TTL: variants seen among roughly 807,000 people sequenced by gnomAD.
The protein encoded by TTL is tubulin tyrosine ligase, also known as tubulin--tyrosine ligase.
In TTL, 10 loss-of-function variants were observed where a neutral mutation model predicts 41.1. That is an observed-to-expected ratio of 0.24 (90% CI 0.15 to 0.41). The LOEUF (loss-of-function observed/expected upper bound fraction) is 0.41. Ranked by LOEUF, TTL falls within the 10% of genes least tolerant of loss-of-function variation. The pLI is 1.00. For synonymous variants in TTL, 175 were observed against 175.5 expected, an observed-to-expected ratio of 1.00 and a Z score of 0.02; for missense variants, 367 against 460.4, an observed-to-expected ratio of 0.80 and a Z score of 1.86.
chr2:112,521,405 T>C (rs1682225679), intron 6 of TTL: 1 of 910,072 alleles, frequency 1.1e-6, no homozygotes. Flanking sequence ...CTCAATTCTC[T>C]TGTGCTGAGG....
chr2:112,512,423 C>A (rs1294550960), intron 5 of TTL, among the ~76,000 whole-genome samples: 1 of 152,082 alleles, frequency 6.6e-6, no homozygotes, highest in Non-Finnish European at 1.5e-5. Flanking sequence ...CCACCATGCC[C>A]GGCTAATTTT....
rs1156989320 is a variant in TTL, at chr2:112,540,609, C to T, written c.*11814C>T. The T allele has an allele frequency of 6.6e-6, 1 of 152,024 alleles. No homozygotes were observed. Among genetic ancestry groups the T allele is most frequent in the Non-Finnish European group, 1.5e-5 (1 of 68,002 alleles). 9.4% of individuals were successfully genotyped at this position (152,024 alleles called of 1,614,324 possible). On this transcript the variant is annotated 3_prime_UTR_variant, in exon 7 of 7. Coordinates refer to ENST00000233336, the MANE Select transcript of TTL (RefSeq NM_153712.5). ...TAATCAAATCTGTGTAGTTTGTAGA[C>T]AGATATACAGATAAATGTAGATAGA...
chr2:112,522,402 G>A (rs1377388974), intron 6 of TTL: 2 of 152,524 alleles, frequency 1.3e-5, no homozygotes, highest in Non-Finnish European at 2.9e-5. Context: ...CCTTGGACCT[G>A]TCAGCAGCAT....
rs1268137758 is a variant in TTL, at chr2:112,538,030, A to T, written c.*9235A>T. The stretch of plus-strand genomic sequence containing the variant: ...ATTATACTACATATGTTCTCTGACC[A>T]TGTTGGAATAAAATCAGAAATCAGT... On this transcript the variant is annotated 3_prime_UTR_variant, in exon 7 of 7. Coordinates refer to ENST00000233336, the MANE Select transcript of TTL (RefSeq NM_153712.5). 1 of 152,254 alleles carries T rather than the reference A, an allele frequency of 6.6e-6. No individual in the cohort carries two copies. Among genetic ancestry groups the T allele is most frequent in the Non-Finnish European group, 1.5e-5 (1 of 68,046 alleles). The allele number at this position is 152,254 out of a possible 1,614,324, so 9.4% of individuals were successfully genotyped here. A position where few individuals can be genotyped will look rare whatever the true frequency, so the allele number is the denominator to read the frequency against.
rs1187954637 is a variant in TTL, at chr2:112,529,285, GTT to G, written c.*493_*494del. The G allele has an allele frequency of 4.2e-6, 1 of 240,338 alleles. No homozygotes were observed. The highest frequency in any genetic ancestry group is 8.2e-6 in the Non-Finnish European group (1 of 122,126). The allele number at this position is 240,338 out of a possible 1,614,324, so 14.9% of individuals were successfully genotyped here. A position where few individuals can be genotyped will look rare whatever the true frequency, so the allele number is the denominator to read the frequency against. Reference sequence around the variant, plus strand: ...TACAAGCATGCACCAACAGTCCTTAGTTTTGTGCTGTGCACTGGCCTCTCGGC... The same window carrying G: ...TACAAGCATGCACCAACAGTCCTTAGTTGTGCTGTGCACTGGCCTCTCGGC... On this transcript the variant is annotated 3_prime_UTR_variant, in exon 7 of 7. Coordinates refer to ENST00000233336, the MANE Select transcript of TTL (RefSeq NM_153712.5).
chr2:112,514,534 A>G (rs1174843276), intron 5 of TTL, among the ~76,000 whole-genome samples: 2 of 152,030 alleles, frequency 1.3e-5, no homozygotes, highest in African/African-American at 4.8e-5. Context: ...TTCTTTTCCT[A>G]CTCTGAAGGT....
At chr2:112,515,731 A>G (rs1682050681) in intron 5 of TTL, among the ~76,000 whole-genome samples, 1 of 152,152 alleles carries the variant, frequency 6.6e-6, no homozygotes, top group Admixed American at 6.6e-5. Context: ...GCAGATCACG[A>G]GGTCAGGAGA....
At position 112,482,651 on chromosome 2, in the gene TTL, C is replaced by T; in HGVS notation, c.157+150C>T. 7.7e-6 allele frequency: 7 copies of T among 905,494 alleles called. No individual in the cohort carries two copies. The highest frequency in any genetic ancestry group is 1.1e-5 in the Non-Finnish European group (7 of 633,950). 56.1% of individuals were successfully genotyped at this position (905,494 alleles called of 1,614,324 possible). A position where few individuals can be genotyped will look rare whatever the true frequency, so the allele number is the denominator to read the frequency against. ...ACATCAGAAACGGATTCGGAAAGATCGAAACCTGTCGTTTTTAATGCTTTC... is the reference window on the plus strand; with the variant it reads ...ACATCAGAAACGGATTCGGAAAGATTGAAACCTGTCGTTTTTAATGCTTTC... On this transcript the variant is annotated intron_variant, in intron 1 of 6. Transcript: ENST00000233336. This position sits in a 1 kb window ranked among gnomAD's most constrained non-coding sequence, Gnocchi z 5.3.
intron 5 of TTL, among the ~76,000 whole-genome samples, chr2:112,515,081 T>C (rs1305503605): frequency 1.3e-5 from 2 of 152,238 alleles, no homozygotes; most frequent in African/African-American, 4.8e-5. Context: ...TTGTTTCTTT[T>C]TTTCATATTA....
chr2:112,532,054 T>G lies in TTL; in HGVS notation c.*3259T>G, dbSNP rs1037934023. 2 of 228,060 alleles carry G rather than the reference T, an allele frequency of 8.8e-6. No homozygotes were observed. The highest frequency in any genetic ancestry group is 2.2e-5 in the African/African-American group (1 of 45,062). The allele number at this position is 228,060 out of a possible 1,614,324, so 14.1% of individuals were successfully genotyped here. A position where few individuals can be genotyped will look rare whatever the true frequency, so the allele number is the denominator to read the frequency against. Reference sequence around the variant, plus strand: ...GTGCTGACATAGGTACCAGCTGACATGATGTGTCACTAGCTCTGTGGGATG... The same window carrying G: ...GTGCTGACATAGGTACCAGCTGACAGGATGTGTCACTAGCTCTGTGGGATG... On this transcript the variant is annotated 3_prime_UTR_variant, in exon 7 of 7. Coordinates refer to ENST00000233336, the MANE Select transcript of TTL (RefSeq NM_153712.5).
chr2:112,503,285 C>T, intron 5 of TTL, 104 bp downstream of exon 5: 1 of 1,018,522 alleles, frequency 9.8e-7, no homozygotes, highest in Middle Eastern at 3.3e-4. Flanking sequence ...AATTTATGGT[C>T]AAAAATTTTT....
In TTL at chr2:112,538,247, GAA is replaced by G. The variant is rs1395358595; in HGVS notation, c.*9453_*9454del. The stretch of plus-strand genomic sequence containing the variant: ...AGAGAAGAAAATACTCCTCAATTGA[GAA>G]GAGTGTCCTCAACTTTATGAGGTCA... On this transcript the variant is annotated 3_prime_UTR_variant, in exon 7 of 7. Transcript: ENST00000233336. The G allele has an allele frequency of 4.6e-5, 7 of 152,210 alleles. No individual in the cohort carries two copies. The highest frequency in any genetic ancestry group is 2.9e-5 in the Non-Finnish European group (2 of 68,042). The allele number at this position is 152,210 out of a possible 1,614,324, so 9.4% of individuals were successfully genotyped here.
In TTL at chr2:112,494,105, C is replaced by G. The variant is rs372704360; in HGVS notation, c.237-38C>G. On this transcript the variant is annotated intron_variant, in intron 2 of 6. Transcript: ENST00000233336. The stretch of plus-strand genomic sequence containing the variant: ...TTTCTGAAGGGAGTGACAAAGTGCA[C>G]TAAGAAGGGAGGCTGATCCTCTTCT... 185 of 1,563,414 alleles carry G rather than the reference C, an allele frequency of 1.2e-4. No individual in the cohort carries two copies. In the African/African-American group the frequency reaches 2.4e-3, roughly 20 times the overall value.
At chr2:112,509,622 C>T (rs930546509) in intron 5 of TTL, among the ~76,000 whole-genome samples, 1 of 152,160 alleles carries the variant, frequency 6.6e-6, no homozygotes, top group Non-Finnish European at 1.5e-5. Context: ...AAAGGGAACT[C>T]CCTGACCCCT....
At chr2:112,488,528 C>T (rs1168944456) in intron 2 of TTL, among the ~76,000 whole-genome samples, 5 of 151,238 alleles carry the variant, frequency 3.3e-5, no homozygotes, top group Middle Eastern at 3.4e-3. Context: ...GAGTCTGAGG[C>T]GGACAGATCA....
chr2:112,526,872 G>A (rs1022433270), intron 6 of TTL, among the ~76,000 whole-genome samples: 1 of 152,074 alleles, frequency 6.6e-6, no homozygotes, highest in Non-Finnish European at 1.5e-5. Context: ...TCTTTTAATT[G>A]TGAAGTTAGG....
rs1349334179 is a variant in TTL, at chr2:112,532,332, AT to A, written c.*3538del. The A allele has an allele frequency of 4.4e-6, 1 of 227,882 alleles. No homozygotes were observed. Among genetic ancestry groups the A allele is most frequent in the Non-Finnish European group, 8.7e-6 (1 of 114,752 alleles). 14.1% of individuals were successfully genotyped at this position (227,882 alleles called of 1,614,324 possible). On this transcript the variant is annotated 3_prime_UTR_variant, in exon 7 of 7. Coordinates refer to ENST00000233336, the MANE Select transcript of TTL (RefSeq NM_153712.5). ...ACACAAAATCTGTACTGGAGAGGAA[AT>A]GACTGCTGAAATAAGGCGATTGTAT...
chr2:112,492,001 A>G (rs562641639), intron 2 of TTL, among the ~76,000 whole-genome samples: 10 of 152,124 alleles, frequency 6.6e-5, no homozygotes, highest in Non-Finnish European at 1.5e-4. Context: ...AAGAAATTCT[A>G]TTTCACCTTA....
chr2:112,530,488 G>A lies in TTL; in HGVS notation c.*1693G>A, dbSNP rs146751565. Reference sequence around the variant, plus strand: ...TAGTCATTAATCCTTGAGGCCCAACGCAGCCGATGGGTTGGTGTTTGGGAA... The same window carrying A: ...TAGTCATTAATCCTTGAGGCCCAACACAGCCGATGGGTTGGTGTTTGGGAA... On this transcript the variant is annotated 3_prime_UTR_variant, in exon 7 of 7. Transcript: ENST00000233336. The A allele has an allele frequency of 2.7e-4, 61 of 227,894 alleles. No individual in the cohort carries two copies. The highest frequency in any genetic ancestry group is 1.1e-3 in the African/African-American group (50 of 45,128). The allele number at this position is 227,894 out of a possible 1,614,324, so 14.1% of individuals were successfully genotyped here. A position where few individuals can be genotyped will look rare whatever the true frequency, so the allele number is the denominator to read the frequency against.
Sources: allele counts gnomAD v4.1 joint callset (sites outside exome capture counted in the v4.1 genomes callset), GRCh38; gene constraint gnomAD v4.1.1; non-coding constraint Gnocchi (gnomAD v3.1); transcripts MANE v1.5; gene names NCBI Gene and HGNC (gene_info 2026-07-23, HGNC 2026-07-21).